The following ZNF277 variants were observed in gnomAD, a reference collection of about 807,000 sequenced individuals.
ZNF277 encodes the protein nuclear receptor-interacting factor 4.
ZNF277 carries 55 observed loss-of-function variants against 60.7 expected under a neutral mutation model. The observed-to-expected ratio is 0.91, with a 90% confidence interval of 0.73 to 1.13. The LOEUF (loss-of-function observed/expected upper bound fraction) is 1.13, where lower values mean the gene tolerates loss of function less well. Among genes scored for constraint, ZNF277 ranks in the 50% most tolerant of loss-of-function variants. ZNF277 has a pLI of 0.00. For missense variants in ZNF277, 510 were observed against 523.0 expected (o/e 0.98, Z 0.24); for synonymous variants, 178 against 179.3 (o/e 0.99, Z 0.06).
chr7:112,220,047 T>C (rs1252324839), intron 1 of ZNF277, among the ~76,000 whole-genome samples: 1 of 152,240 alleles, frequency 6.6e-6, no homozygotes, highest in Non-Finnish European at 1.5e-5. Flanking sequence ...TGGTATTCTG[T>C]GGTTCCATAT....
chr7:112,207,572 T>TA (rs768005529), intron 1 of ZNF277, among the ~76,000 whole-genome samples: 2 of 152,198 alleles, frequency 1.3e-5, no homozygotes, highest in African/African-American at 2.4e-5. Flanking sequence ...ACTGTAGGAA[T>TA]AAAAAACCAA....
At chr7:112,269,205 TTTTTG>T (rs201498353) in intron 1 of ZNF277, among the ~76,000 whole-genome samples, 6,517 of 68,440 alleles carry the variant, frequency 0.095, 326 homozygotes, top group African/African-American at 0.31. Context: ...CAATGGATTT[TTTTTG>T]TTTTTTTTTT....
intron 1 of ZNF277, among the ~76,000 whole-genome samples, chr7:112,232,131 T>G (rs548225205): frequency 6.7e-6 from 1 of 150,006 alleles, no homozygotes; most frequent in African/African-American, 2.5e-5. Context: ...ATAAGTGTCA[T>G]ATGTGAAAGA....
chr7:112,207,789 T>G (rs529749527), intron 1 of ZNF277, among the ~76,000 whole-genome samples: 3 of 152,204 alleles, frequency 2.0e-5, no homozygotes, highest in Admixed American at 6.5e-5. Flanking sequence ...CACAGTTAAA[T>G]TGATATCATC....
At chr7:112,325,481 G>C (rs965679027) in intron 5 of ZNF277, among the ~76,000 whole-genome samples, 2 of 152,180 alleles carry the variant, frequency 1.3e-5, no homozygotes, top group African/African-American at 4.8e-5. Context: ...CATTAGGGAT[G>C]GTAGCAATTA....
intron 2 of ZNF277, among the ~76,000 whole-genome samples, chr7:112,291,624 G>A (rs1792209003): frequency 6.7e-6 from 1 of 150,104 alleles, no homozygotes; most frequent in Non-Finnish European, 1.5e-5. Flanking sequence ...CTAGTGAGTG[G>A]GAAAAAATGC....
intron 7 of ZNF277, among the ~76,000 whole-genome samples, chr7:112,334,882 G>T (rs1046960329): frequency 2.0e-5 from 3 of 152,088 alleles, no homozygotes; most frequent in Non-Finnish European, 4.4e-5. Context: ...CAGTGTTGAG[G>T]CCATTTTTGG....
chr7:112,270,577 A>T (rs1328653538), intron 1 of ZNF277, among the ~76,000 whole-genome samples: 2 of 152,182 alleles, frequency 1.3e-5, no homozygotes, highest in African/African-American at 4.8e-5. Context: ...TTTATCAAAT[A>T]TATATGAGCA....
rs549915927 is a variant in ZNF277, at chr7:112,319,497, G to A, written c.557+1224G>A. Among the ~76,000 whole-genome samples, 11 of 151,866 alleles carry A rather than the reference G, an allele frequency of 7.2e-5. No homozygotes were observed. The East Asian group carries it at 1.9e-3, about 27-fold the overall frequency. On this transcript the variant is annotated intron_variant, in intron 5 of 11. Coordinates refer to ENST00000361822, the MANE Select transcript of ZNF277 (RefSeq NM_021994.3). Reference sequence around the variant, plus strand: ...GATGATTTCACTGATTCAGCATACAGGGGACAATCAGAAAAATATCATTCT... The same window carrying A: ...GATGATTTCACTGATTCAGCATACAAGGGACAATCAGAAAAATATCATTCT...
At chr7:112,313,274 G>GTT (rs35785713) in intron 4 of ZNF277, among the ~76,000 whole-genome samples, 1 of 141,818 alleles carries the variant, frequency 7.1e-6, no homozygotes, top group African/African-American at 2.8e-5. Context: ...TAAAAAGTAT[G>GTT]TTTTAAAATT....
rs762824873 is a variant in ZNF277 at position 112,310,478 on chromosome 7, A to AGAGAGAGAGAGAGAGAGTGT, written c.466-7703_466-7702insAGAGAGAGAGAGAGAGTGTG. ...TTGAGAGAGAGAGAGAGAGAGAGAG[A>AGAGAGAGAGAGAGAGAGTGT]GTGTGTGTGTGTGTATGTATTTTAT... is the stretch of plus-strand genomic sequence containing the variant. On this transcript the variant is annotated intron_variant, in intron 4 of 11. Transcript: ENST00000361822. Among the ~76,000 whole-genome samples, 277 of 125,556 alleles carry AGAGAGAGAGAGAGAGAGTGT rather than the reference A, an allele frequency of 2.2e-3. 5 individuals carry two copies. The highest frequency in any genetic ancestry group is 0.011 in the Middle Eastern group (3 of 266). 82.4% of individuals were successfully genotyped at this position (125,556 alleles called of 152,430 possible). A position where few individuals can be genotyped will look rare whatever the true frequency, so the allele number is the denominator to read the frequency against.
intron 7 of ZNF277, 139 bp from the exon 8 acceptor site, chr7:112,335,965 C>T: frequency 3.8e-6 from 2 of 528,318 alleles, no homozygotes; most frequent in Non-Finnish European, 6.5e-6. Context: ...ATCTGTATAT[C>T]CTACTTGTAC....
chr7:112,228,530 G>A (rs1168249627), intron 1 of ZNF277, among the ~76,000 whole-genome samples: 1 of 129,980 alleles, frequency 7.7e-6, no homozygotes, highest in Admixed American at 9.4e-5. Context: ...TGGACGTTAG[G>A]CCTTATACAT....
intron 7 of ZNF277, among the ~76,000 whole-genome samples, chr7:112,333,423 G>T (rs528652444): frequency 2.0e-5 from 3 of 152,280 alleles, no homozygotes; most frequent in African/African-American, 7.2e-5. Context: ...ATGTAAGCAC[G>T]TTAGTTTGAA....
intron 4 of ZNF277, among the ~76,000 whole-genome samples, chr7:112,305,880 G>A (rs1387587041): frequency 6.6e-6 from 1 of 152,034 alleles, no homozygotes; most frequent in East Asian, 1.9e-4. Flanking sequence ...TGCTCACACT[G>A]TTCAAGAGAA....
chr7:112,272,421 TG>T (rs1186532266), intron 1 of ZNF277, among the ~76,000 whole-genome samples: 17 of 152,196 alleles, frequency 1.1e-4, no homozygotes, highest in Non-Finnish European at 2.5e-4. Flanking sequence ...TTCCTTTATT[TG>T]GGGTATATAC....
chr7:112,280,556 C>T (rs1481946512), intron 1 of ZNF277, among the ~76,000 whole-genome samples: 6 of 152,014 alleles, frequency 3.9e-5, no homozygotes, highest in Admixed American at 1.3e-4. Context: ...AAAGGATAGA[C>T]GTGATTTACT....
At chr7:112,266,347 A>G (rs1162187729) in intron 1 of ZNF277, among the ~76,000 whole-genome samples, 2 of 151,998 alleles carry the variant, frequency 1.3e-5, no homozygotes, top group African/African-American at 2.4e-5. Context: ...GGGTTTCGCC[A>G]TGTTGGCCTG....
At chr7:112,210,760 CT>C (rs1821724512) in intron 1 of ZNF277, among the ~76,000 whole-genome samples, 1 of 152,206 alleles carries the variant, frequency 6.6e-6, no homozygotes, top group Admixed American at 6.5e-5. Flanking sequence ...GCGTGAGCTA[CT>C]GCACCTGGCA....
Sources: allele counts gnomAD v4.1 joint callset (sites outside exome capture counted in the v4.1 genomes callset), GRCh38; gene constraint gnomAD v4.1.1; transcripts MANE v1.5; gene names NCBI Gene and HGNC (gene_info 2026-07-23, HGNC 2026-07-21).